Variants in NCKAP5 observed in about 807,000 individuals in gnomAD.
NCKAP5 encodes the protein nck-associated protein 5.
Under a neutral mutation model 167.0 loss-of-function variants are expected in NCKAP5, and 92 were observed. The ratio of observed to expected loss-of-function variants is 0.55; its 90% CI spans 0.47 to 0.66. The LOEUF is 0.66. NCKAP5 is among the 30% of genes least tolerant of loss of function. The pLI, the probability that NCKAP5 is intolerant of heterozygous loss-of-function variation, is 0.00. For missense variants in NCKAP5, 2,378 were observed against 2,315.0 expected (o/e 1.03, Z -0.56); for synonymous variants, 891 against 877.4 (o/e 1.02, Z -0.27).
intron 6 of NCKAP5, among the ~76,000 whole-genome samples, chr2:133,006,697 T>C (rs577676639): frequency 3.3e-5 from 5 of 152,270 alleles, no homozygotes; most frequent in African/African-American, 1.2e-4. Context: ...TGGATCTGAA[T>C]AATGTCCAAA....
chr2:133,365,109 AAC>A (rs146816540), intron 3 of NCKAP5, among the ~76,000 whole-genome samples: 6 of 151,058 alleles, frequency 4.0e-5, no homozygotes, highest in Non-Finnish European at 4.4e-5. Flanking sequence ...CCTAGCTAGA[AAC>A]ACACACACAC....
At chr2:133,317,637 C>A (rs1681708626) in intron 3 of NCKAP5, among the ~76,000 whole-genome samples, 1 of 152,128 alleles carries the variant, frequency 6.6e-6, no homozygotes, top group Admixed American at 6.5e-5. Context: ...ATGTGGAGAG[C>A]CCTGCATCCT....
rs556214787 is a variant in NCKAP5, at chr2:133,224,146, C to T, written c.144-10367G>A. On this transcript the variant is annotated intron_variant, in intron 4 of 19. Transcript: ENST00000409261. ...TCTTCTGCTCTCAAGAACGGTGCCT[C>T]GAATGACACCCACATTTTCATTCAT... 3.9e-5 allele frequency among the ~76,000 whole-genome samples: 6 copies of T among 152,264 alleles called. No homozygotes were observed. The East Asian group carries it at 7.7e-4, about 20-fold the overall frequency.
At chr2:132,981,737 G>T (rs756256261) in intron 7 of NCKAP5, among the ~76,000 whole-genome samples, 11 of 152,120 alleles carry the variant, frequency 7.2e-5, no homozygotes, top group Non-Finnish European at 1.3e-4. Flanking sequence ...TTCTGAGATG[G>T]GTTGATACAG....
chr2:133,137,043 C>T (rs1266556431), intron 5 of NCKAP5, among the ~76,000 whole-genome samples: 2 of 152,172 alleles, frequency 1.3e-5, no homozygotes, highest in African/African-American at 4.8e-5. Context: ...TGGGAAAACT[C>T]TATTAACCAA....
the NCKAP5 span, among the ~76,000 whole-genome samples, chr2:133,657,113 C>T: frequency 1.3e-5 from 2 of 152,222 alleles, no homozygotes; most frequent in African/African-American, 2.4e-5. Context: ...GATTCAAATT[C>T]TAACAAAGAA....
chr2:133,081,146 A>G (rs977347399), intron 6 of NCKAP5, among the ~76,000 whole-genome samples: 2 of 152,182 alleles, frequency 1.3e-5, no homozygotes, highest in African/African-American at 2.4e-5. Context: ...TTCATTTTCC[A>G]TGTAAAGAAG....
chr2:132,788,842 G>A (rs549048508), intron 13 of NCKAP5, among the ~76,000 whole-genome samples: 4 of 152,120 alleles, frequency 2.6e-5, no homozygotes, highest in Non-Finnish European at 5.9e-5. Context: ...AATACTACAT[G>A]AGTACCCAGC....
chr2:133,042,759 T>C (rs1266967778), intron 6 of NCKAP5, among the ~76,000 whole-genome samples: 1 of 152,206 alleles, frequency 6.6e-6, no homozygotes, highest in Admixed American at 6.5e-5. Flanking sequence ...CAACTTGTCA[T>C]TGGCATTATT....
At chr2:133,217,579 TC>T (rs1401296377) in intron 4 of NCKAP5, among the ~76,000 whole-genome samples, 1 of 152,102 alleles carries the variant, frequency 6.6e-6, no homozygotes, top group Non-Finnish European at 1.5e-5. Flanking sequence ...AAAATGATGA[TC>T]CATTCATTTT....
At chr2:132,934,529 G>A (rs933859615) in intron 8 of NCKAP5, among the ~76,000 whole-genome samples, 3 of 152,050 alleles carry the variant, frequency 2.0e-5, no homozygotes, top group East Asian at 1.9e-4. Context: ...TAGAGATCAC[G>A]TCATTGCACT....
At chr2:133,564,928 G>C (rs918975823) in intron 1 of NCKAP5, among the ~76,000 whole-genome samples, 3 of 152,174 alleles carry the variant, frequency 2.0e-5, no homozygotes, top group Non-Finnish European at 4.4e-5. Flanking sequence ...TAAGTTTGGG[G>C]AGTCAGTTGG....
rs369425246 is a variant in NCKAP5, at chr2:132,873,019, C to T, written c.649-4045G>A. ...CCTAGGACAGGACTTGATATAAAGCCGTCACCCCTAAATGTGAATCAGGCC... is the reference window on the plus strand; with the variant it reads ...CCTAGGACAGGACTTGATATAAAGCTGTCACCCCTAAATGTGAATCAGGCC... On this transcript the variant is annotated intron_variant, in intron 9 of 19. Coordinates refer to ENST00000409261, the MANE Select transcript of NCKAP5 (RefSeq NM_207363.3). Among the ~76,000 whole-genome samples the T allele has an allele frequency of 2.0e-4, 31 of 152,208 alleles. No homozygotes were observed. The East Asian group carries it at 2.9e-3, about 14-fold the overall frequency.
chr2:133,186,807 T>C lies in NCKAP5; in HGVS notation c.207+26909A>G, dbSNP rs371135869. ...GAGATTAATTGTAATGTCATCTGTG[T>C]CATTTCTGATTACACTTATTTGGAC... On this transcript the variant is annotated intron_variant, in intron 5 of 19. Transcript: ENST00000409261. 2.8e-4 allele frequency among the ~76,000 whole-genome samples: 42 copies of C among 152,270 alleles called. No homozygotes were observed. In the East Asian group the frequency reaches 7.9e-3, roughly 29 times the overall value.
At chr2:133,404,608 T>A (rs1395675805) in intron 3 of NCKAP5, among the ~76,000 whole-genome samples, 1 of 152,240 alleles carries the variant, frequency 6.6e-6, no homozygotes, top group Non-Finnish European at 1.5e-5. Flanking sequence ...TGACCATAGG[T>A]AACTGAAACA....
intron 19 of NCKAP5, among the ~76,000 whole-genome samples, chr2:132,719,036 G>C (rs1231803984): frequency 6.6e-6 from 1 of 152,126 alleles, no homozygotes; most frequent in Non-Finnish European, 1.5e-5. Context: ...GATGAAGCAG[G>C]GGTTAAATGA....
chr2:133,585,353 T>C, the NCKAP5 span, among the ~76,000 whole-genome samples: 4 of 152,236 alleles, frequency 2.6e-5, no homozygotes, highest in Non-Finnish European at 5.9e-5. Flanking sequence ...CCATAGACAC[T>C]AGCTGGATTG....
At chr2:133,443,783 G>A (rs1201420105) in intron 3 of NCKAP5, among the ~76,000 whole-genome samples, 1 of 152,172 alleles carries the variant, frequency 6.6e-6, no homozygotes, top group Non-Finnish European at 1.5e-5. Context: ...GAAAGGATGA[G>A]TAGAGGGACC....
intron 6 of NCKAP5, among the ~76,000 whole-genome samples, chr2:133,088,479 C>CA (rs1268014068): frequency 6.6e-6 from 1 of 152,122 alleles, no homozygotes; most frequent in Admixed American, 6.6e-5. Context: ...AGCTCTCCTG[C>CA]CCTCTCTTAA....
Sources: gnomAD v4.1 joint callset for allele counts (sites outside exome capture counted in the v4.1 genomes callset) on GRCh38, gnomAD v4.1.1 for gene constraint, MANE v1.5 for transcripts, NCBI Gene and HGNC (gene_info 2026-07-23, HGNC 2026-07-21) for gene names.